Variants in MCTP1 observed in about 807,000 individuals in gnomAD.
MCTP1 encodes the protein multiple C2 and transmembrane domain-containing protein 1.
A neutral mutation model predicts 120.6 loss-of-function variants in MCTP1; 69 were observed. The observed-to-expected ratio is 0.57, with a 90% CI of 0.47 to 0.70. MCTP1 has a LOEUF of 0.70. MCTP1 is among the 30% of genes least tolerant of loss of function. MCTP1 has a pLI of 0.00. For synonymous variants in MCTP1, 529 were observed against 493.1 expected, an observed-to-expected ratio of 1.07 and a Z score of -0.96; for missense variants, 1,203 against 1,248.8, an observed-to-expected ratio of 0.96 and a Z score of 0.55.
At position 95,171,172 on chromosome 5, in the gene MCTP1, CT is replaced by C. The variant is rs1562204494; in HGVS notation, c.720+112683del. On this transcript the variant is annotated intron_variant, in intron 1 of 22. Transcript: ENST00000515393. The stretch of plus-strand genomic sequence containing the variant: ...TTATATTTCTCCTTCACTTATGAAG[CT>C]TAGTGTGGCTGGATATGAGATTCTG... 3.3e-5 allele frequency among the ~76,000 whole-genome samples: 5 copies of C among 152,256 alleles called. No individual in the cohort carries two copies. The South Asian group carries it at 1.0e-3, about 32-fold the overall frequency.
chr5:94,869,819 C>A (rs2153295161), intron 16 of MCTP1, among the ~76,000 whole-genome samples: 1 of 152,146 alleles, frequency 6.6e-6, no homozygotes, highest in South Asian at 2.1e-4. Flanking sequence ...ATATCACGCT[C>A]AATTTAAATT....
chr5:95,042,250 G>A (rs1461600615), intron 1 of MCTP1, among the ~76,000 whole-genome samples: 2 of 152,036 alleles, frequency 1.3e-5, no homozygotes, highest in African/African-American at 2.4e-5. Context: ...CATATTTACC[G>A]GGCAAATGAA....
intron 1 of MCTP1, among the ~76,000 whole-genome samples, chr5:95,123,023 T>A (rs1758353729): frequency 6.6e-6 from 1 of 152,130 alleles, no homozygotes; most frequent in Non-Finnish European, 1.5e-5. Flanking sequence ...GTTAATGGGT[T>A]CAAAAATATA....
chr5:94,753,505 G>A (rs1768995143), intron 19 of MCTP1, among the ~76,000 whole-genome samples: 1 of 152,184 alleles, frequency 6.6e-6, no homozygotes, highest in African/African-American at 2.4e-5. Context: ...ACAGCTAAAT[G>A]AGAAATCATG....
chr5:95,206,212 T>C (rs1196399733), intron 1 of MCTP1, among the ~76,000 whole-genome samples: 2 of 152,226 alleles, frequency 1.3e-5, no homozygotes, highest in African/African-American at 4.8e-5. Context: ...GAAGTACTAA[T>C]ACATGTTATA....
Position 94,940,108 on chromosome 5 carries a change from A to T in MCTP1, c.1149T>A (p.Pro383=). 1 of 1,605,576 alleles carries T rather than the reference A, an allele frequency of 6.2e-7. No individual in the cohort carries two copies. The highest frequency in any genetic ancestry group is 8.5e-7 in the Non-Finnish European group (1 of 1,173,674). The change falls in exon 5 of 23, where the codon CCT becomes CCA. Residue 383 remains proline, a synonymous_variant. Transcript: ENST00000515393. ...CCACATCCCTGGACTCTCCTTCTTT[A>T]GGGGTAAGGATGACTGAGAGCAAAA... ...GIILLSVILT[P]KEGESRDVTM...
chr5:94,824,329 T>A (rs528932993), intron 17 of MCTP1, among the ~76,000 whole-genome samples: 1 of 152,344 alleles, frequency 6.6e-6, no homozygotes, highest in South Asian at 2.1e-4. Flanking sequence ...TGGTTCTGTT[T>A]TTGTGATGGA....
At chr5:94,803,781 C>T (rs1267847172) in intron 17 of MCTP1, among the ~76,000 whole-genome samples, 3 of 152,184 alleles carry the variant, frequency 2.0e-5, no homozygotes, top group African/African-American at 7.2e-5. Context: ...GTGCCACTTT[C>T]AGTTTTTCAT....
At position 95,110,652 on chromosome 5, in the gene MCTP1, C is replaced by T. The variant is rs532629773; in HGVS notation, c.721-93168G>A. 1.3e-4 allele frequency among the ~76,000 whole-genome samples: 20 copies of T among 152,186 alleles called. No individual in the cohort carries two copies. In the South Asian group the frequency reaches 3.9e-3, roughly 30 times the overall value. On this transcript the variant is annotated intron_variant, in intron 1 of 22. Coordinates refer to ENST00000515393, the MANE Select transcript of MCTP1 (RefSeq NM_024717.7). ...TATCCATGGACAAAGTAGTACCATC[C>T]AGATGATAGTAGCTGCTAATAAATG... is the stretch of plus-strand genomic sequence containing the variant.
At chr5:94,986,882 G>A (rs1336354333) in intron 2 of MCTP1, among the ~76,000 whole-genome samples, 1 of 152,030 alleles carries the variant, frequency 6.6e-6, no homozygotes, top group South Asian at 2.1e-4. Flanking sequence ...ATCCTCAAGG[G>A]ACTGGTTTCA....
chr5:95,217,772 C>T (rs951906692), intron 1 of MCTP1, among the ~76,000 whole-genome samples: 1 of 152,062 alleles, frequency 6.6e-6, no homozygotes. Context: ...TTAACCACCC[C>T]TCATTTAAGG....
intron 2 of MCTP1, among the ~76,000 whole-genome samples, chr5:95,016,785 C>T (rs571103954): frequency 1.6e-4 from 24 of 152,082 alleles, no homozygotes; most frequent in Non-Finnish European, 2.2e-4. Context: ...GGCCTATCCT[C>T]GTTCATCAAG....
intron 1 of MCTP1, among the ~76,000 whole-genome samples, chr5:95,227,391 T>C (rs1473888763): frequency 6.6e-6 from 1 of 152,196 alleles, no homozygotes; most frequent in East Asian, 1.9e-4. Context: ...GCTTAAACTA[T>C]TTTTCTAGCC....
chr5:94,773,837 G>A (rs993158075), intron 19 of MCTP1, among the ~76,000 whole-genome samples: 7 of 152,070 alleles, frequency 4.6e-5, no homozygotes, highest in Non-Finnish European at 1.0e-4. Context: ...ACCTTCCACC[G>A]GGTCCCTCCC....
intron 2 of MCTP1, among the ~76,000 whole-genome samples, chr5:94,993,728 C>T (rs902319435): frequency 2.6e-5 from 4 of 152,018 alleles, no homozygotes; most frequent in Non-Finnish European, 2.9e-5. Flanking sequence ...GGAACTGAAC[C>T]GTAAATAATG....
At chr5:95,174,997 GT>G (rs1326283516) in intron 1 of MCTP1, among the ~76,000 whole-genome samples, 6 of 151,830 alleles carry the variant, frequency 4.0e-5, no homozygotes, top group Non-Finnish European at 8.8e-5. Flanking sequence ...CAACTGCTAA[GT>G]TTTTTGGTAT....
intron 1 of MCTP1, among the ~76,000 whole-genome samples, chr5:95,263,855 C>T (rs1477483499): frequency 1.3e-5 from 2 of 152,202 alleles, no homozygotes; most frequent in Admixed American, 6.5e-5. Flanking sequence ...AGACAGTCTG[C>T]CTCCACCTCT....
chr5:94,717,583 T>A (rs1271230983), intron 19 of MCTP1, among the ~76,000 whole-genome samples: 2 of 152,120 alleles, frequency 1.3e-5, no homozygotes, highest in Non-Finnish European at 1.5e-5. Flanking sequence ...AGTCAAACTG[T>A]TTCTGTTTGC....
chr5:95,019,704 AT>A (rs758169181), intron 1 of MCTP1, among the ~76,000 whole-genome samples: 259 of 152,162 alleles, frequency 1.7e-3, no homozygotes, highest in Non-Finnish European at 3.1e-3. Flanking sequence ...GATGTTACTA[AT>A]TGTTCTAATT....
Sources: allele counts gnomAD v4.1 joint callset (sites outside exome capture counted in the v4.1 genomes callset), GRCh38; gene constraint gnomAD v4.1.1; transcripts MANE v1.5; gene names NCBI Gene and HGNC (gene_info 2026-07-23, HGNC 2026-07-21).